The following SCN2A variants were observed in gnomAD, a reference collection of about 807,000 sequenced individuals.
SCN2A encodes the protein sodium channel protein type 2 subunit alpha.
A neutral mutation model predicts 188.7 loss-of-function variants in SCN2A; 20 were observed. That is an observed-to-expected ratio of 0.11 (90% CI 0.07 to 0.15). SCN2A has a LOEUF of 0.15. Among genes scored for constraint, SCN2A ranks in the 10% least tolerant of loss-of-function variants. The pLI is 1.00. For missense variants in SCN2A, 1,278 were observed against 2,445.0 expected, an observed-to-expected ratio of 0.52 and a Z score of 10.07; for synonymous variants, 804 against 833.1, an observed-to-expected ratio of 0.97 and a Z score of 0.60.
Position 165,327,134 on chromosome 2 carries a change from GGATTC to G in SCN2A, c.2149+151_2149+155del. ...ACAGTAAAATCCGTGCATAACTCAT[GGATTC>G]TATTATCTTCCACAGATTTTTTTTT... On this transcript the variant is annotated intron_variant, in intron 13 of 26. Coordinates refer to ENST00000375437, the MANE Select transcript of SCN2A (RefSeq NM_001040142.2). The G allele has an allele frequency of 5.1e-6, 5 of 979,186 alleles. No homozygotes were observed. In the South Asian group the frequency reaches 7.3e-5, roughly 14 times the overall value. 60.7% of individuals were successfully genotyped at this position (979,186 alleles called of 1,614,324 possible).
chr2:165,245,590 C>A (rs946745949), intron 1 of SCN2A: 9 of 151,724 alleles, frequency 5.9e-5, no homozygotes, highest in Admixed American at 1.3e-4. Context: ...CAGCTAGGAT[C>A]TGTGAGGAGT....
chr2:165,308,143 G>T (rs1051374528), intron 4 of SCN2A, among the ~76,000 whole-genome samples: 2 of 152,104 alleles, frequency 1.3e-5, no homozygotes, highest in African/African-American at 4.8e-5. Context: ...GCAGTAGTTT[G>T]ACTGCTATTA....
At position 165,297,264 on chromosome 2, in the gene SCN2A, C is replaced by T. The variant is rs193043054; in HGVS notation, c.386+129C>T. 5.8e-4 allele frequency: 376 copies of T among 643,922 alleles called. 1 individual carries two copies. In the African/African-American group the frequency reaches 6.0e-3, roughly 10 times the overall value. 39.9% of individuals were successfully genotyped at this position (643,922 alleles called of 1,614,324 possible). A position where few individuals can be genotyped will look rare whatever the true frequency, so the allele number is the denominator to read the frequency against. ...TTCTTTTTCTTTCCTTTTACTCAAT[C>T]GTTAGCATGTTGCAAAATGAGATCA... On this transcript the variant is annotated intron_variant, in intron 3 of 26. Transcript: ENST00000375437.
intron 14 of SCN2A, among the ~76,000 whole-genome samples, chr2:165,340,425 G>C (rs1699248852): frequency 6.6e-6 from 1 of 152,178 alleles, no homozygotes; most frequent in African/African-American, 2.4e-5. Context: ...CCTAGGTAGA[G>C]AGAGATTCCA....
intron 16 of SCN2A, among the ~76,000 whole-genome samples, chr2:165,346,117 C>T (rs1031342690): frequency 6.6e-6 from 1 of 152,076 alleles, no homozygotes; most frequent in African/African-American, 2.4e-5. Flanking sequence ...GGTAACCCGA[C>T]CTTTCTCTCT....
intron 3 of SCN2A, among the ~76,000 whole-genome samples, chr2:165,303,349 C>T (rs1696938938): frequency 6.9e-6 from 1 of 144,096 alleles, no homozygotes; most frequent in East Asian, 2.2e-4. Flanking sequence ...AATCTCGGCT[C>T]ACTGCAAGCT....
At chr2:165,287,387 TAG>T (rs893281850) in intron 1 of SCN2A, among the ~76,000 whole-genome samples, 12 of 152,194 alleles carry the variant, frequency 7.9e-5, no homozygotes, top group Non-Finnish European at 1.6e-4. Flanking sequence ...CCTTTACCAG[TAG>T]AGTGTTCCTG....
intron 14 of SCN2A, among the ~76,000 whole-genome samples, chr2:165,332,856 G>T (rs1698769733): frequency 6.6e-6 from 1 of 151,992 alleles, no homozygotes; most frequent in Non-Finnish European, 1.5e-5. Context: ...AACCTGGCTA[G>T]ATTCAGGTTC....
At chr2:165,370,375 T>C (rs1309024090) in intron 20 of SCN2A, 76 bp downstream of exon 20, 1 of 1,410,992 alleles carries the variant, frequency 7.1e-7, no homozygotes, top group African/African-American at 1.4e-5. Context: ...TGACACAGTG[T>C]AGGCACTCAG....
chr2:165,264,611 C>G (rs891573413), intron 1 of SCN2A, among the ~76,000 whole-genome samples: 1 of 152,078 alleles, frequency 6.6e-6, no homozygotes, highest in African/African-American at 2.4e-5. Flanking sequence ...CTCTCCTCCT[C>G]CCACCTTGTC....
chr2:165,379,213 G>A (rs1701471900), intron 23 of SCN2A, among the ~76,000 whole-genome samples: 1 of 151,462 alleles, frequency 6.6e-6, no homozygotes, highest in Admixed American at 6.6e-5. Context: ...AAAAACAGTA[G>A]AAATAGGCAA....
At chr2:165,327,263 C>G (rs576495295) in intron 13 of SCN2A, 4 of 403,234 alleles carry the variant, frequency 9.9e-6, no homozygotes, top group Non-Finnish European at 1.9e-5. Context: ...GTGTGCATGA[C>G]GTTGAAAAGA....
At chr2:165,279,943 T>C (rs951374870) in intron 1 of SCN2A, among the ~76,000 whole-genome samples, 2 of 152,154 alleles carry the variant, frequency 1.3e-5, no homozygotes, top group Non-Finnish European at 2.9e-5. Context: ...AGGGGGAGTT[T>C]CCGTGCACGA....
chr2:165,261,746 A>G (rs548791581), intron 1 of SCN2A, among the ~76,000 whole-genome samples: 29 of 152,284 alleles, frequency 1.9e-4, no homozygotes, highest in African/African-American at 6.0e-4. Context: ...GTCACTCTGC[A>G]TCACTGTGTA....
chr2:165,321,931 T>G (rs1698097468), intron 11 of SCN2A, among the ~76,000 whole-genome samples: 2 of 152,172 alleles, frequency 1.3e-5, no homozygotes. Context: ...CAATAATACT[T>G]AAATGATGAA....
chr2:165,383,128 A>G (rs560507362), intron 25 of SCN2A, among the ~76,000 whole-genome samples: 3 of 152,256 alleles, frequency 2.0e-5, no homozygotes, highest in South Asian at 4.1e-4. Flanking sequence ...GAACTTAAAT[A>G]TCGAACAGTA....
Position 165,367,333 on chromosome 2 carries a change from T to G in SCN2A, c.3637T>G (p.Phe1213Val), listed in dbSNP as rs797044946. The change falls in exon 19 of 27, where the codon TTC becomes GTC. Residue 1213 changes from phenylalanine (F) to valine (V), a missense_variant. Phe to Val is a conservative substitution (Grantham distance 50, BLOSUM62 -1). Transcript: ENST00000375437. ...AGTGGAGCACAATTGGTTCGAAACC[T>G]TCATTGTCTTCATGATTCTGCTGAG... The part of the protein sequence containing the change: ...KIVEHNWFET[F>V]IVFMILLSSG... 1 of 1,614,198 alleles carries G rather than the reference T, an allele frequency of 6.2e-7. No homozygotes were observed. The highest frequency in any genetic ancestry group is 8.5e-7 in the Non-Finnish European group (1 of 1,180,020).
chr2:165,274,573 A>G (rs1695250695), intron 1 of SCN2A, among the ~76,000 whole-genome samples: 1 of 152,246 alleles, frequency 6.6e-6, no homozygotes, highest in Non-Finnish European at 1.5e-5. Flanking sequence ...CATTTTGTAC[A>G]AATACCTGAT....
At chr2:165,315,829 G>A in intron 11 of SCN2A, 71 bp downstream of exon 11, 3 of 1,540,104 alleles carry the variant, frequency 1.9e-6, no homozygotes, top group Non-Finnish European at 2.7e-6. Flanking sequence ...ATTTAATGGA[G>A]AGAAAACCGC....
Sources: allele counts gnomAD v4.1 joint callset (sites outside exome capture counted in the v4.1 genomes callset), GRCh38; gene constraint gnomAD v4.1.1; transcripts MANE v1.5; gene names NCBI Gene and HGNC (gene_info 2026-07-23, HGNC 2026-07-21).